ANKRD17: variants seen among roughly 807,000 people sequenced by gnomAD.
The protein encoded by ANKRD17 is ankyrin repeat domain-containing protein 17.
ANKRD17 carries 19 observed loss-of-function variants against 229.7 expected under a neutral mutation model. The observed-to-expected ratio is 0.08, with a 90% CI of 0.06 to 0.12. The LOEUF (loss-of-function observed/expected upper bound fraction) is 0.12, where lower values mean the gene tolerates loss of function less well. Among genes scored for constraint, ANKRD17 ranks in the 10% least tolerant of loss-of-function variants. The pLI is 1.00. For synonymous variants in ANKRD17, 1,112 were observed against 1,146.1 expected (o/e 0.97, Z 0.60); for missense variants, 2,176 against 3,176.8 (o/e 0.68, Z 7.57).
At chr4:73,207,320 A>C (rs1739603853) in intron 1 of ANKRD17, among the ~76,000 whole-genome samples, 1 of 152,208 alleles carries the variant, frequency 6.6e-6, no homozygotes, top group African/African-American at 2.4e-5. Context: ...AAAACAAATA[A>C]AAAACTCAAC....
chr4:73,080,013 G>A (rs1022664913), intron 30 of ANKRD17, among the ~76,000 whole-genome samples: 2 of 152,140 alleles, frequency 1.3e-5, no homozygotes, highest in East Asian at 1.9e-4. Context: ...GGCTGAGGCA[G>A]ACGAATCACT....
At chr4:73,152,057 A>C (rs1205710414) in intron 6 of ANKRD17, among the ~76,000 whole-genome samples, 1 of 151,982 alleles carries the variant, frequency 6.6e-6, no homozygotes, top group Non-Finnish European at 1.5e-5. Context: ...TATAATATAA[A>C]CATGTACACA....
chr4:73,113,491 T>C (rs982242298), intron 24 of ANKRD17, among the ~76,000 whole-genome samples: 3 of 152,154 alleles, frequency 2.0e-5, no homozygotes, highest in African/African-American at 4.8e-5. Flanking sequence ...AAACAACAGA[T>C]GTGGTTGAGG....
intron 1 of ANKRD17, among the ~76,000 whole-genome samples, chr4:73,187,459 G>A (rs537791370): frequency 6.6e-6 from 1 of 152,160 alleles, no homozygotes; most frequent in East Asian, 1.9e-4. Context: ...ACATAAGGCC[G>A]AGTCACATTT....
At chr4:73,142,544 T>G (rs920943405) in intron 12 of ANKRD17, 96 bp downstream of exon 12, 95 of 1,592,652 alleles carry the variant, frequency 6.0e-5, no homozygotes, top group Non-Finnish European at 7.9e-5. Flanking sequence ...ACACTTAGAA[T>G]GCCATTATGA....
chr4:73,244,529 A>G (rs901801457), intron 1 of ANKRD17, among the ~76,000 whole-genome samples: 39 of 152,344 alleles, frequency 2.6e-4, no homozygotes, highest in African/African-American at 8.9e-4. Flanking sequence ...ACCTGTGGCT[A>G]GTGGCTACAG....
chr4:73,166,213 G>A (rs1041731364), intron 2 of ANKRD17, among the ~76,000 whole-genome samples: 1 of 152,140 alleles, frequency 6.6e-6, no homozygotes, highest in Non-Finnish European at 1.5e-5. Context: ...AGAACCCAAG[G>A]ATCACCAGAC....
intron 1 of ANKRD17, among the ~76,000 whole-genome samples, chr4:73,188,416 C>A (rs1270731144): frequency 1.3e-5 from 2 of 151,812 alleles, no homozygotes; most frequent in Non-Finnish European, 2.9e-5. Flanking sequence ...GACTCCTCAT[C>A]TCTACTAAAA....
At position 73,091,491 on chromosome 4, in the gene ANKRD17, G is replaced by T; in HGVS notation, c.6137C>A (p.Pro2046Gln). 9 of 1,614,160 alleles carry T rather than the reference G, an allele frequency of 5.6e-6. No individual in the cohort carries two copies. Among genetic ancestry groups the T allele is most frequent in the Non-Finnish European group, 7.6e-6 (9 of 1,180,016 alleles). ...CCCTCCTGGCTGGGCTGGTGGTGAT[G>T]GGGAAGATGGGGATGATACTGGATA... ...EHYPVSSPSS[P>Q]SPPAQPGGVS... Residue 2046 changes from proline to glutamine, a missense_variant, in exon 29 of 34, where the codon CCA becomes CAA. Pro to Gln is a moderately conservative substitution (Grantham distance 76, BLOSUM62 -1). This residue lies in a region of ANKRD17 where 424 missense variants were observed against 454.0 expected (regional missense o/e 0.93). Transcript: ENST00000358602.
intron 23 of ANKRD17, among the ~76,000 whole-genome samples, chr4:73,115,306 T>G (rs1725809927): frequency 6.6e-6 from 1 of 152,232 alleles, no homozygotes; most frequent in Non-Finnish European, 1.5e-5. Flanking sequence ...ATTTTATTTT[T>G]TGAGACAAGA....
intron 1 of ANKRD17, among the ~76,000 whole-genome samples, chr4:73,250,237 CTT>C (rs1744866065): frequency 6.6e-6 from 1 of 152,056 alleles, no homozygotes; most frequent in Admixed American, 6.5e-5. Context: ...TCCCAATAAT[CTT>C]GTTTCCCATT....
At chr4:73,215,351 G>T (rs191540249) in intron 1 of ANKRD17, among the ~76,000 whole-genome samples, 1 of 151,654 alleles carries the variant, frequency 6.6e-6, no homozygotes, top group South Asian at 2.1e-4. Context: ...CCTCCGCCTC[G>T]CGGGTTCAAG....
intron 1 of ANKRD17, among the ~76,000 whole-genome samples, chr4:73,193,527 TC>T (rs1737416862): frequency 6.6e-6 from 1 of 152,194 alleles, no homozygotes; most frequent in Non-Finnish European, 1.5e-5. Context: ...TTCTGGCTTT[TC>T]CCCCCTTTGT....
rs750475308 is a variant in ANKRD17 at position 73,258,250 on chromosome 4, T to C, written c.393+26A>G. On this transcript the variant is annotated intron_variant, in intron 1 of 33. Coordinates refer to ENST00000358602, the MANE Select transcript of ANKRD17 (RefSeq NM_032217.5). ...CTATCCCTTACAGTCCCTTCCTCCC[T>C]CCTTCCTTTGAAACCAGGCCCTTGC... 4 of 1,613,396 alleles carry C rather than the reference T, an allele frequency of 2.5e-6. No individual in the cohort carries two copies. In the South Asian group the frequency reaches 4.4e-5, roughly 18 times the overall value.
intron 1 of ANKRD17, among the ~76,000 whole-genome samples, chr4:73,232,172 T>C (rs1406019756): frequency 6.6e-6 from 1 of 152,154 alleles, no homozygotes; most frequent in Non-Finnish European, 1.5e-5. Context: ...GAGGGCTAAG[T>C]ATATAAGATC....
chr4:73,120,206 T>C lies in ANKRD17; in HGVS notation c.3981A>G (p.Ala1327=), dbSNP rs773637323. The C allele has an allele frequency of 8.7e-6, 14 of 1,614,146 alleles. No individual in the cohort carries two copies. The highest frequency in any genetic ancestry group is 1.3e-5 in the African/African-American group (1 of 75,050). The part of the protein sequence containing the change: ...PSSRDTALTI[A]ADKGHYKFCE... ...AGAATTTGTAATGCCCTTTATCTGC[T>C]GCTATGGTTAAAGCTGTATCTCTTG... The change falls in exon 21 of 34, where the codon GCA becomes GCG. Residue 1327 remains alanine, a synonymous_variant. Coordinates refer to ENST00000358602, the MANE Select transcript of ANKRD17 (RefSeq NM_032217.5).
intron 24 of ANKRD17, chr4:73,112,851 G>T: frequency 5.4e-6 from 2 of 370,888 alleles, no homozygotes; most frequent in Non-Finnish European, 7.5e-6. Context: ...GCAGTGGCGT[G>T]ATCTTGGCTC....
chr4:73,143,476 A>C (rs1211264876), intron 11 of ANKRD17, among the ~76,000 whole-genome samples: 1 of 152,206 alleles, frequency 6.6e-6, no homozygotes, highest in African/African-American at 2.4e-5. Flanking sequence ...GAGAAATGGA[A>C]ATAAAACAGC....
chr4:73,150,130 C>A (rs1419220245), intron 7 of ANKRD17, among the ~76,000 whole-genome samples: 2 of 152,034 alleles, frequency 1.3e-5, no homozygotes, highest in South Asian at 2.1e-4. Flanking sequence ...ACTCTAATGT[C>A]TTATTAGTTT....
Sources: gnomAD v4.1 joint callset for allele counts (sites outside exome capture counted in the v4.1 genomes callset) on GRCh38, gnomAD v4.1.1 for gene constraint, gnomAD v4.1.1 regional missense constraint, MANE v1.5 for transcripts, NCBI Gene and HGNC (gene_info 2026-07-23, HGNC 2026-07-21) for gene names.